Variants in MINDY3 observed in about 807,000 individuals in gnomAD.
MINDY3 encodes the protein ubiquitin carboxyl-terminal hydrolase MINDY-3.
Under a neutral mutation model 69.2 loss-of-function variants are expected in MINDY3, and 38 were observed. That is an observed-to-expected ratio of 0.55 (90% CI 0.42 to 0.72). The LOEUF is 0.72. MINDY3 is among the 30% of genes least tolerant of loss of function. The probability of loss-of-function intolerance (pLI) is 0.00; values close to 1 mark genes in which losing one functional copy is unlikely to be tolerated. For missense variants in MINDY3, 522 were observed against 519.0 expected (o/e 1.01, Z -0.06); for synonymous variants, 192 against 180.1 (o/e 1.07, Z -0.53).
intron 8 of MINDY3, 49 bp downstream of exon 8, chr10:15,833,581 A>T (rs753025159): frequency 2.5e-6 from 3 of 1,180,342 alleles, no homozygotes; most frequent in Admixed American, 3.4e-5. Flanking sequence ...CTGTATTCCA[A>T]TGAAATATTA....
chr10:15,846,725 A>AT (rs11455489), intron 2 of MINDY3, among the ~76,000 whole-genome samples: 46,496 of 141,604 alleles, frequency 0.33, 8,627 homozygotes, highest in African/African-American at 0.52. Context: ...TTAGGAATGC[A>AT]TTTTTTTTTT....
intron 8 of MINDY3, among the ~76,000 whole-genome samples, chr10:15,824,978 G>A (rs1236483091): frequency 1.3e-5 from 2 of 152,086 alleles, no homozygotes; most frequent in Non-Finnish European, 2.9e-5. Flanking sequence ...CATCACACTA[G>A]GAAAATTTAC....
intron 10 of MINDY3, among the ~76,000 whole-genome samples, chr10:15,800,544 A>G (rs1838184863): frequency 6.6e-6 from 1 of 152,148 alleles, no homozygotes; most frequent in Admixed American, 6.6e-5. Flanking sequence ...AGTGATCTTA[A>G]GCAGTTCTCA....
chr10:15,789,333 A>G lies in MINDY3; in HGVS notation c.956-14T>C. On this transcript the variant is annotated splice_polypyrimidine_tract_variant and intron_variant, in intron 11 of 14. Transcript: ENST00000277632. ...TGAATCCATTATCTAGGGGGGAAAA[A>G]ATCAGAAACAACTTGAAATAAGAAT... 1 of 1,593,864 alleles carries G rather than the reference A, an allele frequency of 6.3e-7. No homozygotes were observed. Among genetic ancestry groups the G allele is most frequent in the Non-Finnish European group, 8.6e-7 (1 of 1,163,154 alleles).
At chr10:15,832,363 G>A (rs555331458) in intron 8 of MINDY3, among the ~76,000 whole-genome samples, 1 of 152,002 alleles carries the variant, frequency 6.6e-6, no homozygotes, top group Non-Finnish European at 1.5e-5. Context: ...AAGAAAGACG[G>A]GAGTGTACAG....
At chr10:15,835,679 G>C (rs1290877098) in intron 6 of MINDY3, among the ~76,000 whole-genome samples, 1 of 152,036 alleles carries the variant, frequency 6.6e-6, no homozygotes, top group Non-Finnish European at 1.5e-5. Context: ...GGAGAATACT[G>C]AACAGTCAAG....
At position 15,779,728 on chromosome 10, in the gene MINDY3, T is replaced by C. The variant is rs1488801794; in HGVS notation, c.1189-587A>G. ...GCATTCTGTACAGCATGAAAAATCATGGAGAAAAAAATTAAAAAGGATGTC... is the reference window on the plus strand; with the variant it reads ...GCATTCTGTACAGCATGAAAAATCACGGAGAAAAAAATTAAAAAGGATGTC... On this transcript the variant is annotated intron_variant, in intron 14 of 14. Transcript: ENST00000277632. Among the ~76,000 whole-genome samples the C allele has an allele frequency of 3.3e-5, 5 of 151,956 alleles. No homozygotes were observed. In the East Asian group the frequency reaches 7.7e-4, roughly 23 times the overall value.
chr10:15,815,004 A>G (rs1293694602), intron 10 of MINDY3, among the ~76,000 whole-genome samples: 6 of 152,200 alleles, frequency 3.9e-5, no homozygotes, highest in Non-Finnish European at 7.4e-5. Flanking sequence ...TAAGATTTAA[A>G]ATATTGTCAT....
chr10:15,851,467 C>G (rs1177498854), intron 1 of MINDY3, among the ~76,000 whole-genome samples: 1 of 151,982 alleles, frequency 6.6e-6, no homozygotes, highest in Non-Finnish European at 1.5e-5. Context: ...TTCATTTTCT[C>G]TATGTCTCTT....
intron 9 of MINDY3, among the ~76,000 whole-genome samples, chr10:15,820,719 C>A (rs904939509): frequency 6.6e-6 from 1 of 152,132 alleles, no homozygotes; most frequent in African/African-American, 2.4e-5. Flanking sequence ...GAAAAAGGAA[C>A]GCTGTCTGAC....
intron 10 of MINDY3, among the ~76,000 whole-genome samples, chr10:15,808,074 A>G (rs781703406): frequency 6.6e-6 from 1 of 152,192 alleles, no homozygotes; most frequent in Non-Finnish European, 1.5e-5. Context: ...CATACTTGTA[A>G]TAATTCAAAT....
At position 15,837,233 on chromosome 10, in the gene MINDY3, G is replaced by A; in HGVS notation, c.547C>T (p.Leu183Phe). 3.1e-6 allele frequency: 5 copies of A among 1,603,388 alleles called. No homozygotes were observed. Among genetic ancestry groups the A allele is most frequent in the Non-Finnish European group, 4.3e-6 (5 of 1,173,272 alleles). The change falls in exon 6 of 15, where the codon CTT becomes TTT. Residue 183 changes from leucine to phenylalanine, a missense_variant. Leu to Phe is a conservative substitution (Grantham distance 22). Transcript: ENST00000277632. ...GTCAGTAATACAGAATACAGAAAAA[G>A]CAATACTCCAAATTTATTTCCCCAC... The part of the protein sequence containing the change: ...SMWGNKFGVL[L>F]FLYSVLLTKG...
chr10:15,790,301 A>C lies in MINDY3; in HGVS notation c.956-982T>G, dbSNP rs529910967. Among the ~76,000 whole-genome samples, 94 of 152,226 alleles carry C rather than the reference A, an allele frequency of 6.2e-4. 1 individual carries two copies. The highest frequency in any genetic ancestry group is 5.9e-4 in the Non-Finnish European group (40 of 67,996). Reference sequence around the variant, plus strand: ...TTTTCTATTCTTAAACCTCATAAGGAGCTGTTTACCCATTTGAAGACAGAT... The same window carrying C: ...TTTTCTATTCTTAAACCTCATAAGGCGCTGTTTACCCATTTGAAGACAGAT... On this transcript the variant is annotated intron_variant, in intron 11 of 14. Transcript: ENST00000277632.
chr10:15,798,777 C>A (rs1029717621), intron 10 of MINDY3, among the ~76,000 whole-genome samples: 2 of 123,908 alleles, frequency 1.6e-5, no homozygotes, highest in East Asian at 4.3e-4. Context: ...AAGACTCTGT[C>A]TCAAAAACAA....
intron 11 of MINDY3, among the ~76,000 whole-genome samples, chr10:15,795,309 T>G (rs1373622954): frequency 1.3e-5 from 2 of 152,014 alleles, no homozygotes; most frequent in African/African-American, 2.4e-5. Flanking sequence ...GAAGATATAT[T>G]CTTAGAATTT....
At chr10:15,815,467 C>T (rs1202678442) in intron 10 of MINDY3, among the ~76,000 whole-genome samples, 1 of 152,154 alleles carries the variant, frequency 6.6e-6, no homozygotes, top group African/African-American at 2.4e-5. Flanking sequence ...ATTTATACCA[C>T]TTGTACTTTC....
intron 8 of MINDY3, among the ~76,000 whole-genome samples, chr10:15,824,034 A>G (rs181948727): frequency 6.6e-6 from 1 of 152,272 alleles, no homozygotes; most frequent in Admixed American, 6.5e-5. Flanking sequence ...TGACCTGTTG[A>G]TGGACACTTA....
At chr10:15,851,356 A>G (rs1470864160) in intron 1 of MINDY3, among the ~76,000 whole-genome samples, 1 of 151,984 alleles carries the variant, frequency 6.6e-6, no homozygotes. Context: ...GTCCCTTAAC[A>G]TGGTCCTGTA....
intron 11 of MINDY3, among the ~76,000 whole-genome samples, chr10:15,794,718 A>C (rs941399582): frequency 6.6e-6 from 1 of 152,070 alleles, no homozygotes; most frequent in African/African-American, 2.4e-5. Flanking sequence ...GGTACACTGT[A>C]AAAGAAAATA....
Sources: gnomAD v4.1 joint callset for allele counts (sites outside exome capture counted in the v4.1 genomes callset) on GRCh38, gnomAD v4.1.1 for gene constraint, MANE v1.5 for transcripts, NCBI Gene and HGNC (gene_info 2026-07-23, HGNC 2026-07-21) for gene names.